HS3ST3A1: variants seen among roughly 807,000 people sequenced by gnomAD.
HS3ST3A1 encodes heparan sulfate glucosamine 3-O-sulfotransferase 3A1.
In HS3ST3A1, 19 loss-of-function variants were observed where a neutral mutation model predicts 25.7. That is an observed-to-expected ratio of 0.74 (90% CI 0.52 to 1.08). The LOEUF (loss-of-function observed/expected upper bound fraction) is 1.08, where lower values mean the gene tolerates loss of function less well. Ranked by LOEUF, HS3ST3A1 falls within the 50% of genes least tolerant of loss-of-function variation. The probability of loss-of-function intolerance (pLI) is 0.00; values close to 1 mark genes in which losing one functional copy is unlikely to be tolerated. For missense variants in HS3ST3A1, 459 were observed against 594.3 expected (o/e 0.77, Z 2.37); for synonymous variants, 226 against 278.6 (o/e 0.81, Z 1.88).
At chr17:13,597,476 C>T (rs1451156104) in intron 1 of HS3ST3A1, among the ~76,000 whole-genome samples, 1 of 152,122 alleles carries the variant, frequency 6.6e-6, no homozygotes, top group Non-Finnish European at 1.5e-5. Flanking sequence ...GAGAAATGGA[C>T]ACTATTCATT....
chr17:13,503,183 A>C (rs1035747366), intron 1 of HS3ST3A1, among the ~76,000 whole-genome samples: 1 of 151,350 alleles, frequency 6.6e-6, no homozygotes, highest in Non-Finnish European at 1.5e-5. Flanking sequence ...CAAAAAAAAA[A>C]AAAAAAAAGA....
intron 1 of HS3ST3A1, among the ~76,000 whole-genome samples, chr17:13,596,764 A>G (rs1182621134): frequency 1.3e-5 from 2 of 152,036 alleles, no homozygotes; most frequent in African/African-American, 4.8e-5. Flanking sequence ...ATTTCATTTC[A>G]AACTCTTCAC....
rs1905259341 is a variant in HS3ST3A1 at position 13,496,195 on chromosome 17, G to A, written c.*2C>T. On this transcript the variant is annotated 3_prime_UTR_variant, in exon 2 of 2. Coordinates refer to ENST00000284110, the MANE Select transcript of HS3ST3A1 (RefSeq NM_006042.3). Reference sequence around the variant, plus strand: ...TTTTTTTTTTCTTTTTAAATTATATGGTTATCCATCCCAGCCAAAGTCGTG... The same window carrying A: ...TTTTTTTTTTCTTTTTAAATTATATAGTTATCCATCCCAGCCAAAGTCGTG... 4 of 1,591,722 alleles carry A rather than the reference G, an allele frequency of 2.5e-6. No individual in the cohort carries two copies. The highest frequency in any genetic ancestry group is 2.3e-5 in the South Asian group (2 of 87,848).
Position 13,496,553 on chromosome 17 carries a change from C to A in HS3ST3A1, c.865G>T (p.Gly289Cys), listed in dbSNP as rs749563664. The change falls in exon 2 of 2, where the codon GGC (glycine) becomes TGC (cysteine). Residue 289 changes from glycine (G) to cysteine (C), a missense_variant. Around this residue, in one of 3 missense-constraint regions of HS3ST3A1, gnomAD observed 67 missense variants for 231.4 expected, o/e 0.29. Coordinates refer to ENST00000284110, the MANE Select transcript of HS3ST3A1 (RefSeq NM_006042.3). ...IDTSWSAIQI[G>C]IYAKHLEHWL... Reference sequence around the variant, plus strand: ...TGCTCCAGGTGCTTGGCGTAGATGCCGATCTGGATGGCGCTCCACGACGTG... The same window carrying A: ...TGCTCCAGGTGCTTGGCGTAGATGCAGATCTGGATGGCGCTCCACGACGTG... The A allele has an allele frequency of 6.4e-7, 1 of 1,562,870 alleles. No individual in the cohort carries two copies. The highest frequency in any genetic ancestry group is 8.7e-7 in the Non-Finnish European group (1 of 1,146,572).
intron 1 of HS3ST3A1, among the ~76,000 whole-genome samples, chr17:13,559,216 A>T (rs191594638): frequency 6.6e-6 from 1 of 152,198 alleles, no homozygotes; most frequent in African/African-American, 2.4e-5. Flanking sequence ...ATGACAACAA[A>T]AAAAGAGACT....
rs1908694492 is a variant in HS3ST3A1, at chr17:13,600,583, C to T, written c.547G>A (p.Ala183Thr). The T allele has an allele frequency of 1.2e-6, 2 of 1,601,126 alleles. No homozygotes were observed. ...CTGCGGTCGAAGAAGTGGGGCTCGG[C>T]GCCCACGGCGCGCACGTCGGGGTGC... is the stretch of plus-strand genomic sequence containing the variant. ...RVHPDVRAVG[A>T]EPHFFDRSYD... The change falls in exon 1 of 2, where the codon GCC becomes ACC. Residue 183 changes from alanine (A) to threonine (T), a missense_variant. Transcript: ENST00000284110.
chr17:13,591,676 T>TGGGGG (rs375837192), intron 1 of HS3ST3A1, among the ~76,000 whole-genome samples: 2,453 of 141,432 alleles, frequency 0.017, 83 homozygotes, highest in East Asian at 0.12. Flanking sequence ...TTTTTTTTTT[T>TGGGGG]GGGACAGAGT....
At chr17:13,582,050 A>C (rs564183496) in intron 1 of HS3ST3A1, among the ~76,000 whole-genome samples, 156 of 152,298 alleles carry the variant, frequency 1.0e-3, no homozygotes, top group African/African-American at 3.7e-3. Context: ...CAGACACACA[A>C]AAAAAGACTT....
Position 13,600,519 on chromosome 17 carries a change from CG to C in HS3ST3A1, c.599+11del. On this transcript the variant is annotated intron_variant, in intron 1 of 1. Coordinates refer to ENST00000284110, the MANE Select transcript of HS3ST3A1 (RefSeq NM_006042.3). Reference sequence around the variant, plus strand: ...GGATCCTTCAGCCCCAGCCCGGGCCCGCCCCGCTCACCGGTACCAGGCGAGG... The same window carrying C: ...GGATCCTTCAGCCCCAGCCCGGGCCCCCCCGCTCACCGGTACCAGGCGAGG... 1 of 1,584,894 alleles carries C rather than the reference CG, an allele frequency of 6.3e-7. No individual in the cohort carries two copies.
rs115282369 is a variant in HS3ST3A1, at chr17:13,521,027, T to C, written c.600-24209A>G. The stretch of plus-strand genomic sequence containing the variant: ...GCTTCTTTCCAAATTCTCTATGGTT[T>C]ACAAGCATTCTGTTGGGCTTCCCCA... On this transcript the variant is annotated intron_variant, in intron 1 of 1. Transcript: ENST00000284110. 3.1e-3 allele frequency among the ~76,000 whole-genome samples: 479 copies of C among 152,348 alleles called. 4 individuals carry two copies. The highest frequency in any genetic ancestry group is 0.011 in the African/African-American group (456 of 41,580).
In HS3ST3A1 at chr17:13,550,126, A is replaced by G. The variant is rs188908076; in HGVS notation, c.599+50405T>C. Among the ~76,000 whole-genome samples, 431 of 152,358 alleles carry G rather than the reference A, an allele frequency of 2.8e-3. 2 individuals are homozygous for G. The highest frequency in any genetic ancestry group is 9.6e-3 in the African/African-American group (399 of 41,590). On this transcript the variant is annotated intron_variant, in intron 1 of 1. Coordinates refer to ENST00000284110, the MANE Select transcript of HS3ST3A1 (RefSeq NM_006042.3). ...CACACAGCATATACAAGTTTATGTGATAACTGAATCCGTTTAGTAGTAGTA... is the reference window on the plus strand; with the variant it reads ...CACACAGCATATACAAGTTTATGTGGTAACTGAATCCGTTTAGTAGTAGTA...
At chr17:13,510,926 C>G (rs1905840191) in intron 1 of HS3ST3A1, among the ~76,000 whole-genome samples, 1 of 152,080 alleles carries the variant, frequency 6.6e-6, no homozygotes, top group Non-Finnish European at 1.5e-5. Flanking sequence ...AACAAACTTC[C>G]AAAATAATCT....
At chr17:13,585,841 T>TTC (rs1491448239) in intron 1 of HS3ST3A1, among the ~76,000 whole-genome samples, 1,791 of 54,092 alleles carry the variant, frequency 0.033, 297 homozygotes, top group African/African-American at 0.15. Flanking sequence ...TCCTTCTGCG[T>TTC]TTTTTTTTTT....
At chr17:13,498,379 A>G (rs1420635198) in intron 1 of HS3ST3A1, among the ~76,000 whole-genome samples, 1 of 152,160 alleles carries the variant, frequency 6.6e-6, no homozygotes, top group Non-Finnish European at 1.5e-5. Flanking sequence ...TCTGTCTTTC[A>G]ATCCTACTCT....
Position 13,601,381 on chromosome 17 carries a change from A to C in HS3ST3A1, c.-252T>G. 4.4e-6 allele frequency: 2 copies of C among 452,480 alleles called. No homozygotes were observed. Among genetic ancestry groups the C allele is most frequent in the Non-Finnish European group, 7.7e-6 (2 of 259,294 alleles). 28.0% of individuals were successfully genotyped at this position (452,480 alleles called of 1,614,324 possible). A position where few individuals can be genotyped will look rare whatever the true frequency, so the allele number is the denominator to read the frequency against. On this transcript the variant is annotated 5_prime_UTR_variant, in exon 1 of 2. Transcript: ENST00000284110. ...GGGGAACGCGGGTCCGTGCTTAAGA[A>C]ACCATCGTCTTAGACTCGCCCAAGT...
Position 13,583,342 on chromosome 17 carries a change from G to A in HS3ST3A1, c.599+17189C>T, listed in dbSNP as rs540303892. Among the ~76,000 whole-genome samples the A allele has an allele frequency of 3.9e-5, 6 of 152,264 alleles. No homozygotes were observed. The South Asian group carries it at 1.2e-3, about 32-fold the overall frequency. On this transcript the variant is annotated intron_variant, in intron 1 of 1. Coordinates refer to ENST00000284110, the MANE Select transcript of HS3ST3A1 (RefSeq NM_006042.3). ...GTTTTCTATTTTCTCCTCTGCTGCA[G>A]TTGTGTGGAGTTTCTGGTCATGCAA...
At chr17:13,573,121 T>G (rs1224067432) in intron 1 of HS3ST3A1, among the ~76,000 whole-genome samples, 1 of 152,172 alleles carries the variant, frequency 6.6e-6, no homozygotes, top group Non-Finnish European at 1.5e-5. Flanking sequence ...TTTTCAGTAT[T>G]CTTGGCTCTC....
At chr17:13,517,982 C>G (rs1906108940) in intron 1 of HS3ST3A1, among the ~76,000 whole-genome samples, 1 of 152,046 alleles carries the variant, frequency 6.6e-6, no homozygotes, top group African/African-American at 2.4e-5. Context: ...TATAGTTTAT[C>G]AGAGTCAACT....
chr17:13,523,315 G>A (rs955788762), intron 1 of HS3ST3A1, among the ~76,000 whole-genome samples: 1 of 151,944 alleles, frequency 6.6e-6, no homozygotes, highest in Non-Finnish European at 1.5e-5. Flanking sequence ...TTAATTTCTT[G>A]AGCAGGAAAC....
Sources: allele counts gnomAD v4.1 joint callset (sites outside exome capture counted in the v4.1 genomes callset), GRCh38; gene constraint gnomAD v4.1.1; regional missense constraint gnomAD v4.1.1; transcripts MANE v1.5; gene names NCBI Gene and HGNC (gene_info 2026-07-23, HGNC 2026-07-21).